Variants in FHL2 observed in about 807,000 individuals in gnomAD.
The protein encoded by FHL2 is four and a half LIM domains protein 2.
A neutral mutation model predicts 32.7 loss-of-function variants in FHL2; 20 were observed. The ratio of observed to expected loss-of-function variants is 0.61; its 90% CI spans 0.43 to 0.89. The LOEUF is 0.89. Among genes scored for constraint, FHL2 ranks in the 40% least tolerant of loss-of-function variants. The pLI is 0.00. For synonymous variants in FHL2, 123 were observed against 128.1 expected, an observed-to-expected ratio of 0.96 and a Z score of 0.27; for missense variants, 311 against 358.6, an observed-to-expected ratio of 0.87 and a Z score of 1.07.
At position 105,369,291 on chromosome 2, in the gene FHL2, A is replaced by G. The variant is rs78945465; in HGVS notation, c.332-1552T>C. 5.3e-3 allele frequency among the ~76,000 whole-genome samples: 810 copies of G among 152,338 alleles called. 11 individuals carry two copies. The highest frequency in any genetic ancestry group is 0.019 in the African/African-American group (780 of 41,568). On this transcript the variant is annotated intron_variant, in intron 4 of 6. Coordinates refer to ENST00000530340, the MANE Select transcript of FHL2 (RefSeq NM_001318895.3). ...CTTATAGGAGTCTATAGACTAGTCC[A>G]TAGCTCTCAGCCCCAAAATCTTATG...
At position 105,367,587 on chromosome 2, in the gene FHL2, A is replaced by G; in HGVS notation, c.484T>C (p.Cys162Arg). The G allele has an allele frequency of 6.2e-7, 1 of 1,614,004 alleles. No homozygotes were observed. The highest frequency in any genetic ancestry group is 8.5e-7 in the Non-Finnish European group (1 of 1,179,908). ...PCYEKQHAMQ[C>R]VQCKKPITTG... ...TGAGATACCTTTTTGCACTGAACGC[A>G]CTGCATGGCATGTTGTTTCTCATAG... Residue 162 changes from cysteine (C) to arginine (R), a missense_variant, in exon 5 of 7, where the codon TGC becomes CGC. Cys to Arg is a radical substitution (Grantham distance 180). Transcript: ENST00000530340.
rs1057476159 is a variant in FHL2 at position 105,416,113 on chromosome 2, T to C, written c.-25+22286A>G. On this transcript the variant is annotated intron_variant, in intron 1 of 5. Transcript: ENST00000393352. ...AAAGGGCTTTTGTTTATGTAGGTTA[T>C]ATCTATTATATTTACTGCATTAGAA... is the stretch of plus-strand genomic sequence containing the variant. 1.4e-4 allele frequency among the ~76,000 whole-genome samples: 21 copies of C among 152,358 alleles called. 2 individuals carry two copies. In the South Asian group the frequency reaches 4.3e-3, roughly 32 times the overall value.
At chr2:105,417,249 G>A (rs1558728730) in intron 1 of FHL2, among the ~76,000 whole-genome samples, 1 of 152,126 alleles carries the variant, frequency 6.6e-6, no homozygotes, top group African/African-American at 2.4e-5. Flanking sequence ...GGGCATGGTG[G>A]CACGTGCCTG....
intron 1 of FHL2, among the ~76,000 whole-genome samples, chr2:105,404,885 A>T (rs1452741040): frequency 6.6e-6 from 1 of 152,198 alleles, no homozygotes; most frequent in African/African-American, 2.4e-5. Flanking sequence ...GCCTCAAAAC[A>T]TGCCTGACTT....
At chr2:105,425,607 C>T (rs914502545) in intron 1 of FHL2, among the ~76,000 whole-genome samples, 7 of 151,958 alleles carry the variant, frequency 4.6e-5, no homozygotes, top group African/African-American at 1.7e-4. Flanking sequence ...TACATTTGTT[C>T]AACTCTGAGA....
At chr2:105,438,164 C>T (rs1684668453) in intron 1 of FHL2, among the ~76,000 whole-genome samples, 1 of 152,172 alleles carries the variant, frequency 6.6e-6, no homozygotes, top group Non-Finnish European at 1.5e-5. Flanking sequence ...GCTGACACCC[C>T]CTGTAGCTCT....
chr2:105,428,129 A>G (rs1050458712), intron 1 of FHL2, among the ~76,000 whole-genome samples: 1 of 152,232 alleles, frequency 6.6e-6, no homozygotes, highest in African/African-American at 2.4e-5. Context: ...AGTCAACTAG[A>G]AGCCTGCTGA....
chr2:105,366,436 G>A (rs964074870), intron 5 of FHL2, among the ~76,000 whole-genome samples: 6 of 152,200 alleles, frequency 3.9e-5, no homozygotes, highest in Admixed American at 6.5e-5. Flanking sequence ...GGAGGAGAGC[G>A]AACAGAACCT....
chr2:105,395,035 G>C (rs1204619662), intron 2 of FHL2, among the ~76,000 whole-genome samples: 1 of 152,210 alleles, frequency 6.6e-6, no homozygotes, highest in African/African-American at 2.4e-5. Context: ...TCAGCCTTTT[G>C]AACCCAGCCG....
intron 1 of FHL2, among the ~76,000 whole-genome samples, chr2:105,429,211 A>G (rs1421907230): frequency 1.3e-5 from 2 of 152,242 alleles, no homozygotes; most frequent in African/African-American, 2.4e-5. Context: ...TATGATGGTC[A>G]AGAAATCGGC....
At chr2:105,391,687 A>G (rs1331158374) in intron 2 of FHL2, among the ~76,000 whole-genome samples, 1 of 152,206 alleles carries the variant, frequency 6.6e-6, no homozygotes, top group Admixed American at 6.5e-5. Flanking sequence ...TAAAAAATGT[A>G]TCAGGGTATC....
At chr2:105,416,131 C>A (rs897338135) in intron 1 of FHL2, among the ~76,000 whole-genome samples, 5 of 152,186 alleles carry the variant, frequency 3.3e-5, no homozygotes, top group East Asian at 1.9e-4. Context: ...ATATTTACTG[C>A]ATTAGAAAAT....
intron 1 of FHL2, among the ~76,000 whole-genome samples, chr2:105,428,595 G>A (rs1376653354): frequency 6.6e-6 from 1 of 152,224 alleles, no homozygotes; most frequent in Non-Finnish European, 1.5e-5. Flanking sequence ...GCTGCCCCAT[G>A]ACCATGCTTG....
intron 2 of FHL2, among the ~76,000 whole-genome samples, chr2:105,387,348 T>C (rs1229113064): frequency 6.6e-6 from 1 of 152,210 alleles, no homozygotes; most frequent in Non-Finnish European, 1.5e-5. Context: ...CTGGGAAACC[T>C]GAGATTAGAT....
At position 105,437,389 on chromosome 2, in the gene FHL2, G is replaced by A. The variant is rs144599016; in HGVS notation, c.-25+1010C>T. On this transcript the variant is annotated intron_variant, in intron 1 of 5. Coordinates refer to the FHL2 transcript ENST00000393352. ...CTGATACACATTCTATGTATGTACC[G>A]AACACTCACATGTACCCCATAAATA... Among the ~76,000 whole-genome samples, 223 of 152,056 alleles carry A rather than the reference G, an allele frequency of 1.5e-3. 1 individual carries two copies. The highest frequency in any genetic ancestry group is 4.3e-4 in the Non-Finnish European group (29 of 68,008).
rs2244182 is a variant in FHL2 at position 105,361,446 on chromosome 2, G to C, written c.689-12C>G. 0.16 allele frequency: 260,828 copies of C among 1,606,806 alleles called. 27,056 individuals carry two copies. Among genetic ancestry groups the C allele is most frequent in the East Asian group, 0.53 (23,601 of 44,714 alleles). ...TGTGCCACCAAGTCCTGTTAACAGA[G>C]AGAAAATAATACCGGATGAAGAAAG... is the stretch of plus-strand genomic sequence containing the variant. On this transcript the variant is annotated splice_polypyrimidine_tract_variant and intron_variant, in intron 6 of 6. Transcript: ENST00000530340.
Position 105,414,744 on chromosome 2 carries a change from G to A in FHL2, c.-25+23655C>T, listed in dbSNP as rs574028165. On this transcript the variant is annotated intron_variant, in intron 1 of 5. Coordinates refer to the FHL2 transcript ENST00000393352. ...ATTTTTATATTTTTAGTAGTGATGG[G>A]GTTTTGCCATGTTGGCCAGGCTGGT... Among the ~76,000 whole-genome samples, 4 of 152,244 alleles carry A rather than the reference G, an allele frequency of 2.6e-5. No homozygotes were observed. In the East Asian group the frequency reaches 7.7e-4, roughly 29 times the overall value.
chr2:105,437,274 G>A (rs555799702), intron 1 of FHL2, among the ~76,000 whole-genome samples: 3 of 152,208 alleles, frequency 2.0e-5, no homozygotes, highest in East Asian at 1.9e-4. Flanking sequence ...GTAAGGGGTC[G>A]GGTGGATCTC....
chr2:105,421,921 C>G (rs1368686886), intron 1 of FHL2, among the ~76,000 whole-genome samples: 1 of 152,198 alleles, frequency 6.6e-6, no homozygotes, highest in Non-Finnish European at 1.5e-5. Context: ...TATTACCCAC[C>G]ATGCTAGTTT....
Sources: allele counts gnomAD v4.1 joint callset (sites outside exome capture counted in the v4.1 genomes callset), GRCh38; gene constraint gnomAD v4.1.1; transcripts MANE v1.5; gene names NCBI Gene and HGNC (gene_info 2026-07-23, HGNC 2026-07-21).